The following TLN1 variants were observed in gnomAD, a reference collection of about 807,000 sequenced individuals.
TLN1 encodes talin-1.
In TLN1, 56 loss-of-function variants were observed where a neutral mutation model predicts 292.3. The observed-to-expected ratio is 0.19, with a 90% CI of 0.15 to 0.24. The LOEUF (loss-of-function observed/expected upper bound fraction) is 0.24. TLN1 is among the 10% of genes least tolerant of loss of function. TLN1 has a pLI of 1.00. For missense variants in TLN1, 2,433 were observed against 3,248.2 expected, an observed-to-expected ratio of 0.75 and a Z score of 6.10; for synonymous variants, 1,119 against 1,253.7, an observed-to-expected ratio of 0.89 and a Z score of 2.27.
chr9:35,705,048 T>C (rs1226344223), intron 43 of TLN1, among the ~76,000 whole-genome samples: 1 of 152,212 alleles, frequency 6.6e-6, no homozygotes, highest in Non-Finnish European at 1.5e-5. Context: ...AGGATTGTGT[T>C]AAGCACAGTG....
Position 35,699,645 on chromosome 9 carries a change from G to C in TLN1, c.6769-184C>G. The C allele has an allele frequency of 1.0e-6, 1 of 985,394 alleles. No homozygotes were observed. Among genetic ancestry groups the C allele is most frequent in the Non-Finnish European group, 1.2e-6 (1 of 829,940 alleles). The allele number at this position is 985,394 out of a possible 1,614,324, so 61.0% of individuals were successfully genotyped here. A position where few individuals can be genotyped will look rare whatever the true frequency, so the allele number is the denominator to read the frequency against. On this transcript the variant is annotated intron_variant, in intron 50 of 56. Coordinates refer to ENST00000314888, the MANE Select transcript of TLN1 (RefSeq NM_006289.4). The surrounding 1 kb of genome is among the most constrained non-coding windows in gnomAD (Gnocchi z 4.0). ...TCACACCTCACACGTGATAGAGACA[G>C]TGGGGCTGTGTCACTCACCGGCTGA...
At position 35,707,056 on chromosome 9, in the gene TLN1, C is replaced by T. The variant is rs1471418738; in HGVS notation, c.4955+16G>A. On this transcript the variant is annotated intron_variant, in intron 37 of 56. Coordinates refer to ENST00000314888, the MANE Select transcript of TLN1 (RefSeq NM_006289.4). This position sits in a 1 kb window ranked among gnomAD's most constrained non-coding sequence, Gnocchi z 5.6. ...TGTATGCCCCCCAGCCACACTGGTT[C>T]CCCATCCCTCAATACCTCATGCTTG... 6.2e-7 allele frequency: 1 copy of T among 1,610,436 alleles called. No homozygotes were observed. The highest frequency in any genetic ancestry group is 8.5e-7 in the Non-Finnish European group (1 of 1,179,014).
intron 7 of TLN1, 92 bp downstream of exon 7, chr9:35,723,860 G>T (rs1473445422): frequency 3.9e-6 from 6 of 1,557,542 alleles, no homozygotes; most frequent in South Asian, 1.2e-5. Context: ...AAGAAATAGT[G>T]GGGGGCAGGC....
chr9:35,697,659 C>T lies in TLN1; in HGVS notation c.*132G>A. The T allele has an allele frequency of 4.4e-6, 6 of 1,379,140 alleles. No individual in the cohort carries two copies. Among genetic ancestry groups the T allele is most frequent in the African/African-American group, 1.4e-5 (1 of 69,220 alleles). The allele number at this position is 1,379,140 out of a possible 1,614,324, so 85.4% of individuals were successfully genotyped here. ...GATGTACTGCGGGACTGGGCGGGGC[C>T]AGGCCCTGGGGTTTGGCAGGCACTT... On this transcript the variant is annotated 3_prime_UTR_variant, in exon 57 of 57. Transcript: ENST00000314888.
rs1371639466 is a variant in TLN1, at chr9:35,717,859, C to A, written c.1996-73G>T. 2 of 1,509,594 alleles carry A rather than the reference C, an allele frequency of 1.3e-6. No individual in the cohort carries two copies. The highest frequency in any genetic ancestry group is 1.8e-6 in the Non-Finnish European group (2 of 1,112,554). The allele number at this position is 1,509,594 out of a possible 1,614,324, so 93.5% of individuals were successfully genotyped here. On this transcript the variant is annotated intron_variant, in intron 17 of 56. Coordinates refer to ENST00000314888, the MANE Select transcript of TLN1 (RefSeq NM_006289.4). This position sits in a 1 kb window ranked among gnomAD's most constrained non-coding sequence, Gnocchi z 4.7. ...CACAGACACTTCTCAGAGGCGTAAG[C>A]TGCTTCATTATTCCCACTGATCCAA...
intron 11 of TLN1, 99 bp from the exon 12 acceptor site, chr9:35,720,608 G>T: frequency 1.6e-6 from 2 of 1,248,430 alleles, no homozygotes; most frequent in Non-Finnish European, 2.3e-6. Flanking sequence ...TTTTCCAGAA[G>T]CTGAGTGTCC....
Position 35,716,473 on chromosome 9 carries a change from T to C in TLN1, c.2542A>G (p.Ser848Gly), listed in dbSNP as rs766355449. The change falls in exon 20 of 57, where the codon AGT (serine) becomes GGT (glycine). Residue 848 changes from serine to glycine, a missense_variant. Coordinates refer to ENST00000314888, the MANE Select transcript of TLN1 (RefSeq NM_006289.4). ...NAIKADAEGE[S>G]DLENSRKLLS... ...AGCTTGCGGGAGTTCTCCAGATCAC[T>C]TTCCCCCTCAGCATCAGCCTTGATG... 5.6e-6 allele frequency: 9 copies of C among 1,614,230 alleles called. No individual in the cohort carries two copies. Among genetic ancestry groups the C allele is most frequent in the Middle Eastern group, 1.6e-4 (1 of 6,062 alleles).
intron 1 of TLN1, among the ~76,000 whole-genome samples, chr9:35,728,792 T>TG (rs1826021166): frequency 6.6e-6 from 1 of 152,164 alleles, no homozygotes. Flanking sequence ...GGGCCAGCTG[T>TG]GGGGAAGACC....
rs1419695028 is a variant in TLN1 at position 35,710,590 on chromosome 9, G to C, written c.4297C>G (p.Leu1433Val). The change falls in exon 33 of 57, where the codon CTT (leucine) becomes GTT (valine). Residue 1433 changes from leucine (L) to valine (V), a missense_variant. Around this residue, in one of 7 missense-constraint regions of TLN1, gnomAD observed 1,384 missense variants for 1,699.6 expected, o/e 0.81. Coordinates refer to ENST00000314888, the MANE Select transcript of TLN1 (RefSeq NM_006289.4). ...GCAGCTGCCTCGGTGAAGCCACAAA[G>C]TGCCTTTGAGGCTGTGGAAATGGCA... ...GDAISTASKA[L>V]CGFTEAAAQA... is the part of the protein sequence containing the mutation. 6.2e-7 allele frequency: 1 copy of C among 1,613,954 alleles called. No individual in the cohort carries two copies. Among genetic ancestry groups the C allele is most frequent in the East Asian group, 2.2e-5 (1 of 44,890 alleles).
At chr9:35,728,402 T>A (rs1826015154) in intron 1 of TLN1, among the ~76,000 whole-genome samples, 1 of 152,114 alleles carries the variant, frequency 6.6e-6, no homozygotes, top group South Asian at 2.1e-4. Flanking sequence ...GGGGGAGGGC[T>A]GTGGGTGAGA....
chr9:35,706,630 A>G lies in TLN1; in HGVS notation c.5089-79T>C. 1.3e-6 allele frequency: 2 copies of G among 1,591,272 alleles called. No homozygotes were observed. The highest frequency in any genetic ancestry group is 1.7e-6 in the Non-Finnish European group (2 of 1,164,212). On this transcript the variant is annotated intron_variant, in intron 38 of 56. Coordinates refer to ENST00000314888, the MANE Select transcript of TLN1 (RefSeq NM_006289.4). The surrounding 1 kb of genome is among the most constrained non-coding windows in gnomAD (Gnocchi z 4.2). ...GCTACAAAGAACTGCTCTTCTGTCCATACCAAATACCCTAACCCTCCTTCG... is the reference window on the plus strand; with the variant it reads ...GCTACAAAGAACTGCTCTTCTGTCCGTACCAAATACCCTAACCCTCCTTCG...
rs1215480996 is a variant in TLN1, at chr9:35,725,726, A to C, written c.-32T>G. 1 of 1,610,498 alleles carries C rather than the reference A, an allele frequency of 6.2e-7. No homozygotes were observed. On this transcript the variant is annotated splice_region_variant and 5_prime_UTR_variant, in exon 2 of 57. Coordinates refer to ENST00000314888, the MANE Select transcript of TLN1 (RefSeq NM_006289.4). ...AGCTTCTTTTCTCCAGCCTGGCTAT[A>C]CCTGACCCATGGCATCAGGGCATTA...
Position 35,707,312 on chromosome 9 carries a change from A to G in TLN1, c.4773+36T>C, listed in dbSNP as rs1286511123. The G allele has an allele frequency of 9.3e-6, 15 of 1,610,576 alleles. No homozygotes were observed. In the East Asian group the frequency reaches 2.7e-4, roughly 29 times the overall value. ...GGAGTCCCTGGAAGATGAGGTGATA[A>G]GCTGGCCCATCAGTTCCCCCTTCAC... On this transcript the variant is annotated intron_variant, in intron 36 of 56. Transcript: ENST00000314888. This position sits in a 1 kb window ranked among gnomAD's most constrained non-coding sequence, Gnocchi z 5.6.
chr9:35,732,051 C>G lies in TLN1; in HGVS notation c.-34+24G>C, dbSNP rs1826091471. The stretch of plus-strand genomic sequence containing the variant: ...GGCCCCGCGGCCCCACCCTAAGGCC[C>G]CCGCCCGGCCCGGTCTGGCCTACCT... On this transcript the variant is annotated intron_variant, in intron 1 of 56. Coordinates refer to ENST00000314888, the MANE Select transcript of TLN1 (RefSeq NM_006289.4). This position sits in a 1 kb window ranked among gnomAD's most constrained non-coding sequence, Gnocchi z 5.1. The G allele has an allele frequency of 6.5e-6, 1 of 152,784 alleles. No individual in the cohort carries two copies. The highest frequency in any genetic ancestry group is 2.4e-5 in the African/African-American group (1 of 41,372). 9.5% of individuals were successfully genotyped at this position (152,784 alleles called of 1,614,324 possible). A position where few individuals can be genotyped will look rare whatever the true frequency, so the allele number is the denominator to read the frequency against.
Position 35,703,694 on chromosome 9 carries a change from G to T in TLN1, c.6358-18C>A. On this transcript the variant is annotated intron_variant, in intron 47 of 56. Transcript: ENST00000314888. ...ACCATCACCTGGAGGTATCAGAGGAGTGAAGAGGAATGATTTTAAGGAACA... is the reference window on the plus strand; with the variant it reads ...ACCATCACCTGGAGGTATCAGAGGATTGAAGAGGAATGATTTTAAGGAACA... The T allele has an allele frequency of 6.2e-7, 1 of 1,614,180 alleles. No homozygotes were observed. The highest frequency in any genetic ancestry group is 1.1e-5 in the South Asian group (1 of 91,086).
chr9:35,706,210 C>T lies in TLN1; in HGVS notation c.5347G>A (p.Gly1783Ser). 6.2e-7 allele frequency: 1 copy of T among 1,608,420 alleles called. No individual in the cohort carries two copies. The highest frequency in any genetic ancestry group is 1.1e-5 in the South Asian group (1 of 90,166). ...LQLLYTAKEA[G>S]GNPKQAAHTQ... ...ACCCTCAATACCTTTGGGTTACCAC[C>T]AGCCTCCTTGGCAGTGTATAGCAAC... The change falls in exon 40 of 57, where the codon GGT (glycine) becomes AGT (serine). Residue 1783 changes from glycine (G) to serine (S), a missense_variant. By Grantham distance (56) the Gly-to-Ser change is moderately conservative. Transcript: ENST00000314888. The surrounding 1 kb of genome is among the most constrained non-coding windows in gnomAD (Gnocchi z 4.2).
chr9:35,717,913 A>G lies in TLN1; in HGVS notation c.1996-127T>C, dbSNP rs1021103133. The G allele has an allele frequency of 4.5e-5, 52 of 1,151,392 alleles. No individual in the cohort carries two copies. The highest frequency in any genetic ancestry group is 6.3e-5 in the Non-Finnish European group (52 of 827,932). The allele number at this position is 1,151,392 out of a possible 1,614,324, so 71.3% of individuals were successfully genotyped here. A position where few individuals can be genotyped will look rare whatever the true frequency, so the allele number is the denominator to read the frequency against. ...AAGGAGAGTGTACGCAGAAGCAACCAGAACCTACCCCGAGCTACTGCCCTG... is the reference window on the plus strand; with the variant it reads ...AAGGAGAGTGTACGCAGAAGCAACCGGAACCTACCCCGAGCTACTGCCCTG... On this transcript the variant is annotated intron_variant, in intron 17 of 56. Coordinates refer to ENST00000314888, the MANE Select transcript of TLN1 (RefSeq NM_006289.4). The surrounding 1 kb of genome is among the most constrained non-coding windows in gnomAD (Gnocchi z 4.7).
Position 35,711,315 on chromosome 9 carries a change from T to C in TLN1, c.3959A>G (p.Lys1320Arg). 1 of 1,614,158 alleles carries C rather than the reference T, an allele frequency of 6.2e-7. No individual in the cohort carries two copies. Among genetic ancestry groups the C allele is most frequent in the Non-Finnish European group, 8.5e-7 (1 of 1,180,026 alleles). Residue 1320 changes from lysine to arginine, a missense_variant, in exon 30 of 57, where the codon AAG (lysine) becomes AGG (arginine). Physicochemically the swap from Lys to Arg is conservative, Grantham distance 26 (BLOSUM62 2). Coordinates refer to ENST00000314888, the MANE Select transcript of TLN1 (RefSeq NM_006289.4). ...GGCAGCAGGGTCCGTGGACAGGGCC[T>C]TGGCAGCCAGAAGAAGTTTGCTTGA... ...MSSSKLLLAA[K>R]ALSTDPAAPN... is the part of the protein sequence containing the mutation.
intron 33 of TLN1, among the ~76,000 whole-genome samples, chr9:35,710,202 G>A (rs1452738664): frequency 6.2e-5 from 8 of 129,766 alleles, no homozygotes; most frequent in African/African-American, 1.7e-4. Flanking sequence ...CAGCCTGGGC[G>A]ACAGAGCGAA....
Sources: allele counts gnomAD v4.1 joint callset (sites outside exome capture counted in the v4.1 genomes callset), GRCh38; gene constraint gnomAD v4.1.1; regional missense constraint gnomAD v4.1.1; non-coding constraint Gnocchi (gnomAD v3.1); transcripts MANE v1.5; gene names NCBI Gene and HGNC (gene_info 2026-07-23, HGNC 2026-07-21).